CINP: variants seen among roughly 807,000 people sequenced by gnomAD.
CINP encodes cyclin dependent kinase 2 interacting protein, also known as cyclin-dependent kinase 2-interacting protein.
Under a neutral mutation model 20.5 loss-of-function variants are expected in CINP, and 11 were observed. The ratio of observed to expected loss-of-function variants is 0.54; its 90% CI spans 0.34 to 0.89. CINP has a LOEUF of 0.89. Among genes scored for constraint, CINP ranks in the 40% least tolerant of loss-of-function variants. The pLI is 0.02. For missense variants in CINP, 213 were observed against 251.0 expected, an observed-to-expected ratio of 0.85 and a Z score of 1.02; for synonymous variants, 108 against 102.1, an observed-to-expected ratio of 1.06 and a Z score of -0.35.
At chr14:102,352,714 A>C (rs1886896925) in intron 3 of CINP, among the ~76,000 whole-genome samples, 1 of 151,478 alleles carries the variant, frequency 6.6e-6, no homozygotes, top group African/African-American at 2.4e-5. Flanking sequence ...ACTGGAGTGC[A>C]GTGGCTTGAT....
chr14:102,362,721 A>C (rs1772866377), intron 1 of CINP, 124 bp downstream of exon 1: 3 of 1,318,704 alleles, frequency 2.3e-6, no homozygotes, highest in African/African-American at 2.9e-5. Context: ...GGCTGGGGTA[A>C]GACAGAGGAC....
At chr14:102,350,297 C>T (rs984301850) in intron 3 of CINP, among the ~76,000 whole-genome samples, 7 of 152,238 alleles carry the variant, frequency 4.6e-5, no homozygotes, top group South Asian at 2.1e-4. Flanking sequence ...GAAAGGTTTC[C>T]GAGTGCCATT....
rs1056035873 is a variant in CINP at position 102,351,581 on chromosome 14, G to A, written c.307-1533C>T. 6.6e-6 allele frequency among the ~76,000 whole-genome samples: 1 copy of A among 152,068 alleles called. No individual in the cohort carries two copies. The highest frequency in any genetic ancestry group is 1.5e-5 in the Non-Finnish European group (1 of 67,994). On this transcript the variant is annotated intron_variant, in intron 3 of 4. Coordinates refer to ENST00000216756, the MANE Select transcript of CINP (RefSeq NM_032630.3). The surrounding 1 kb of genome is among the most constrained non-coding windows in gnomAD (Gnocchi z 4.2). ...CTTTACATACATAAATATGAAAAAG[G>A]GGAAATAAGAAAAGATATATAAATT...
At position 102,348,718 on chromosome 14, in the gene CINP, G is replaced by T; in HGVS notation, c.478C>A (p.Leu160Met). 2 of 1,613,890 alleles carry T rather than the reference G, an allele frequency of 1.2e-6. No homozygotes were observed. Among genetic ancestry groups the T allele is most frequent in the South Asian group, 1.1e-5 (1 of 90,984 alleles). ...HKLLEMYRKE[L>M]LLKRTVAKEL... ...TTGGCCACCGTGCGCTTCAGGAGCA[G>T]CTCCTTCCTGTACATCTCCAAGAGC... The change falls in exon 5 of 5, where the codon CTG (leucine) becomes ATG (methionine). Residue 160 changes from leucine (L) to methionine (M), a missense_variant. Leu to Met is a conservative substitution (Grantham distance 15). Transcript: ENST00000216756.
chr14:102,361,743 T>C (rs1197338079), intron 1 of CINP, among the ~76,000 whole-genome samples: 1 of 151,682 alleles, frequency 6.6e-6, no homozygotes, highest in African/African-American at 2.4e-5. Context: ...GCCATTACTT[T>C]TAACAGCCAA....
chr14:102,356,363 G>A (rs1019376126), intron 2 of CINP, among the ~76,000 whole-genome samples: 5 of 151,358 alleles, frequency 3.3e-5, no homozygotes, highest in African/African-American at 1.2e-4. Context: ...AGGCTGCAGT[G>A]AGCCATTATA....
In CINP at chr14:102,362,869, G is replaced by C; in HGVS notation, c.-18C>G. The C allele has an allele frequency of 6.2e-7, 1 of 1,614,018 alleles. No homozygotes were observed. Among genetic ancestry groups the C allele is most frequent in the Non-Finnish European group, 8.5e-7 (1 of 1,179,908 alleles). On this transcript the variant is annotated 5_prime_UTR_variant, in exon 1 of 5. Coordinates refer to ENST00000216756, the MANE Select transcript of CINP (RefSeq NM_032630.3). ...CCTTCCATAAGGTCCACAGATATCC[G>C]TAGAAGGAGACGCGAAGCCCCGCCC... is the stretch of plus-strand genomic sequence containing the variant.
intron 4 of CINP, among the ~76,000 whole-genome samples, chr14:102,349,207 T>C (rs970851486): frequency 1.3e-5 from 2 of 152,112 alleles, no homozygotes; most frequent in Non-Finnish European, 2.9e-5. Context: ...TGAGCCAAGA[T>C]TGCACCACTA....
chr14:102,361,023 C>T (rs969828031), intron 1 of CINP, among the ~76,000 whole-genome samples: 1 of 152,014 alleles, frequency 6.6e-6, no homozygotes, highest in Non-Finnish European at 1.5e-5. Flanking sequence ...ACTTACTTTC[C>T]AAAGGGGAGG....
Position 102,351,951 on chromosome 14 carries a change from C to G in CINP, c.307-1903G>C, listed in dbSNP as rs1354016307. Among the ~76,000 whole-genome samples the G allele has an allele frequency of 6.6e-6, 1 of 152,264 alleles. No homozygotes were observed. The highest frequency in any genetic ancestry group is 1.9e-4 in the East Asian group (1 of 5,182). On this transcript the variant is annotated intron_variant, in intron 3 of 4. Transcript: ENST00000216756. This position sits in a 1 kb window ranked among gnomAD's most constrained non-coding sequence, Gnocchi z 4.2. ...CCAGGCTGGAGTGCAGTGGCGCGATCTCCGCTCACTGCAACCTCCGCCTCC... is the reference window on the plus strand; with the variant it reads ...CCAGGCTGGAGTGCAGTGGCGCGATGTCCGCTCACTGCAACCTCCGCCTCC...
chr14:102,358,460 C>A (rs922778778), intron 2 of CINP, among the ~76,000 whole-genome samples: 1 of 152,144 alleles, frequency 6.6e-6, no homozygotes, highest in African/African-American at 2.4e-5. Context: ...GTGGGCAGAT[C>A]ACTTGAGGTC....
chr14:102,352,624 A>G (rs1886893970), intron 3 of CINP: 2 of 443,864 alleles, frequency 4.5e-6, no homozygotes, highest in South Asian at 3.2e-5. Context: ...TTTTGAACAT[A>G]GAATGAGAAC....
intron 3 of CINP, among the ~76,000 whole-genome samples, chr14:102,353,222 C>T (rs1253114736): frequency 4.6e-5 from 7 of 152,026 alleles, no homozygotes; most frequent in African/African-American, 1.7e-4. Flanking sequence ...AGATACTGCA[C>T]CCTCAAGCAG....
rs377018111 is a variant in CINP, at chr14:102,348,567, C to A, written c.629G>T (p.Arg210Leu). The A allele has an allele frequency of 3.1e-6, 5 of 1,610,212 alleles. No homozygotes were observed. The East Asian group carries it at 1.1e-4, about 36-fold the overall frequency. Residue 210 changes from arginine to leucine, a missense_variant, in exon 5 of 5, where the codon CGA becomes CTA. Arg to Leu is a moderately radical substitution (Grantham distance 102). Transcript: ENST00000216756. ...LESMLLETGH[R>L]AL ...AGCCGTCTCAGGACGTCAGAGAGCTCGGTGGCCTGTCTCCAGCAGCATGCT... is the reference window on the plus strand; with the variant it reads ...AGCCGTCTCAGGACGTCAGAGAGCTAGGTGGCCTGTCTCCAGCAGCATGCT...
chr14:102,355,822 A>G lies in CINP; in HGVS notation c.252T>C (p.Tyr84=), dbSNP rs2139631044. The G allele has an allele frequency of 6.2e-7, 1 of 1,614,172 alleles. No individual in the cohort carries two copies. Among genetic ancestry groups the G allele is most frequent in the Non-Finnish European group, 8.5e-7 (1 of 1,179,996 alleles). Reference sequence around the variant, plus strand: ...CACACAGCTTCTCCAGTTCCTCGTTATATTCCAGACACACCTTTTCTTCAT... The same window carrying G: ...CACACAGCTTCTCCAGTTCCTCGTTGTATTCCAGACACACCTTTTCTTCAT... ...KENEEKVCLE[Y]NEELEKLCEE... The change falls in exon 3 of 5, where the codon TAT becomes TAC. Residue 84 remains tyrosine, a synonymous_variant. Transcript: ENST00000216756.
At chr14:102,352,086 C>G (rs985186466) in intron 3 of CINP, among the ~76,000 whole-genome samples, 1 of 152,172 alleles carries the variant, frequency 6.6e-6, no homozygotes, top group Non-Finnish European at 1.5e-5. Flanking sequence ...TGGGGTTTCA[C>G]TGTGTTAGCC....
At chr14:102,352,544 G>C in intron 3 of CINP, 1 of 455,884 alleles carries the variant, frequency 2.2e-6, no homozygotes, top group Non-Finnish European at 4.4e-6. Context: ...GACCAGGTCT[G>C]GAAACCATTC....
intron 2 of CINP, among the ~76,000 whole-genome samples, chr14:102,358,666 G>C (rs1377506485): frequency 2.0e-5 from 3 of 152,100 alleles, no homozygotes; most frequent in Non-Finnish European, 4.4e-5. Context: ...GGGGGATAGA[G>C]TGAGACTCGT....
At chr14:102,359,867 A>G (rs1887099423) in intron 1 of CINP, among the ~76,000 whole-genome samples, 1 of 152,218 alleles carries the variant, frequency 6.6e-6, no homozygotes, top group South Asian at 2.1e-4. Context: ...TTTTCCAAAG[A>G]TTGGAAATAA....
Sources: allele counts gnomAD v4.1 joint callset (sites outside exome capture counted in the v4.1 genomes callset), GRCh38; gene constraint gnomAD v4.1.1; non-coding constraint Gnocchi (gnomAD v3.1); transcripts MANE v1.5; gene names NCBI Gene and HGNC (gene_info 2026-07-23, HGNC 2026-07-21).